The following DNER variants were observed in gnomAD, a reference collection of about 807,000 sequenced individuals.
The protein encoded by DNER is delta and Notch-like epidermal growth factor-related receptor.
Under a neutral mutation model 78.2 loss-of-function variants are expected in DNER, and 33 were observed. The observed-to-expected ratio is 0.42, with a 90% confidence interval of 0.32 to 0.56. The LOEUF is 0.56. DNER is among the 20% of genes least tolerant of loss of function. The probability of loss-of-function intolerance (pLI) is 0.11; values close to 1 mark genes in which losing one functional copy is unlikely to be tolerated. For synonymous variants in DNER, 417 were observed against 384.8 expected (o/e 1.08, Z -0.98); for missense variants, 918 against 975.3 (o/e 0.94, Z 0.78).
At chr2:229,445,069 T>A (rs1054466943) in intron 8 of DNER, among the ~76,000 whole-genome samples, 1 of 152,200 alleles carries the variant, frequency 6.6e-6, no homozygotes, top group Non-Finnish European at 1.5e-5. Context: ...TTTTCACATG[T>A]GTTACGACAT....
chr2:229,570,029 G>A (rs1697187342), intron 4 of DNER, among the ~76,000 whole-genome samples: 1 of 152,158 alleles, frequency 6.6e-6, no homozygotes, highest in Non-Finnish European at 1.5e-5. Context: ...ACTGAAACCA[G>A]ATCCACCCCT....
intron 4 of DNER, among the ~76,000 whole-genome samples, chr2:229,562,989 A>G (rs958656052): frequency 2.0e-5 from 3 of 151,424 alleles, no homozygotes; most frequent in African/African-American, 7.3e-5. Flanking sequence ...CCCCATCAAC[A>G]TCATCATCAA....
At chr2:229,418,084 CA>C in intron 9 of DNER, 23 bp downstream of exon 9, 1 of 1,614,080 alleles carries the variant, frequency 6.2e-7, no homozygotes, top group Non-Finnish European at 8.5e-7. Flanking sequence ...CATTCTGGCA[CA>C]GGAAGGCCAG....
chr2:229,555,902 A>G (rs1038725439), intron 4 of DNER, among the ~76,000 whole-genome samples: 1 of 152,232 alleles, frequency 6.6e-6, no homozygotes, highest in Admixed American at 6.5e-5. Flanking sequence ...CGCATAAAAT[A>G]ATAAAGATAA....
At chr2:229,687,647 T>C (rs2154217307) in intron 1 of DNER, among the ~76,000 whole-genome samples, 1 of 152,296 alleles carries the variant, frequency 6.6e-6, no homozygotes, top group East Asian at 1.9e-4. Flanking sequence ...TAATTCATGT[T>C]GTCTAATTGC....
At chr2:229,420,966 C>A (rs1482767741) in intron 8 of DNER, among the ~76,000 whole-genome samples, 1 of 152,186 alleles carries the variant, frequency 6.6e-6, no homozygotes, top group Non-Finnish European at 1.5e-5. Flanking sequence ...TAATAGCACT[C>A]TCATGTTCAT....
chr2:229,466,273 T>G (rs1199233774), intron 7 of DNER, among the ~76,000 whole-genome samples: 1 of 152,178 alleles, frequency 6.6e-6, no homozygotes, highest in Non-Finnish European at 1.5e-5. Context: ...TCCATCACAT[T>G]CTGCAGTACG....
At chr2:229,594,952 T>TAAAAAAAAA (rs200824543) in intron 1 of DNER, among the ~76,000 whole-genome samples, 2 of 102,688 alleles carry the variant, frequency 1.9e-5, no homozygotes, top group African/African-American at 6.7e-5. Flanking sequence ...AAATGCTGTT[T>TAAAAAAAAA]AAAAAAAAAA....
chr2:229,526,548 G>C (rs1001729940), intron 5 of DNER, among the ~76,000 whole-genome samples: 66 of 152,292 alleles, frequency 4.3e-4, no homozygotes, highest in African/African-American at 1.6e-3. Flanking sequence ...GGATGAAACT[G>C]TTCCACCTCA....
chr2:229,649,338 T>G (rs1189737125), intron 1 of DNER, among the ~76,000 whole-genome samples: 1 of 152,246 alleles, frequency 6.6e-6, no homozygotes, highest in Non-Finnish European at 1.5e-5. Flanking sequence ...TCATCAGTAC[T>G]GCATATTAAA....
rs563722236 is a variant in DNER at position 229,392,484 on chromosome 2, A to G, written c.1724-4088T>C. ...GCTGTAATTTGTAGGAAAGACCACA[A>G]CACAAGATAGAACCACTCAGAAATT... On this transcript the variant is annotated intron_variant, in intron 10 of 12. Coordinates refer to ENST00000341772, the MANE Select transcript of DNER (RefSeq NM_139072.4). Among the ~76,000 whole-genome samples, 624 of 143,534 alleles carry G rather than the reference A, an allele frequency of 4.3e-3. 4 individuals are homozygous for G. The highest frequency in any genetic ancestry group is 7.0e-3 in the Middle Eastern group (2 of 286). The allele number at this position is 143,534 out of a possible 152,430, so 94.2% of individuals were successfully genotyped here. A position where few individuals can be genotyped will look rare whatever the true frequency, so the allele number is the denominator to read the frequency against.
At chr2:229,610,280 A>G (rs1466356562) in intron 1 of DNER, among the ~76,000 whole-genome samples, 1 of 152,216 alleles carries the variant, frequency 6.6e-6, no homozygotes, top group Non-Finnish European at 1.5e-5. Flanking sequence ...GTGCTGCAGA[A>G]ATCTCAGGAA....
intron 5 of DNER, among the ~76,000 whole-genome samples, chr2:229,520,930 T>C (rs924913330): frequency 6.6e-6 from 1 of 152,208 alleles, no homozygotes. Context: ...AACAACCCTG[T>C]CAGCTTGAAG....
rs775988472 is a variant in DNER at position 229,477,132 on chromosome 2, C to A, written c.1261+8G>T. ...AAAGTTCTTTCTGGAGTAATAAATA[C>A]TAATTACCTTCTGGACACTGGCAGG... On this transcript the variant is annotated splice_region_variant and intron_variant, in intron 7 of 12. Transcript: ENST00000341772. The A allele has an allele frequency of 6.2e-7, 1 of 1,604,010 alleles. No homozygotes were observed. The highest frequency in any genetic ancestry group is 8.5e-7 in the Non-Finnish European group (1 of 1,172,286).
intron 1 of DNER, among the ~76,000 whole-genome samples, chr2:229,660,223 G>T (rs1055046096): frequency 2.0e-5 from 3 of 152,012 alleles, no homozygotes; most frequent in African/African-American, 7.2e-5. Context: ...TCATCATGCA[G>T]GTATTAAGAC....
chr2:229,521,661 T>C (rs1051635477), intron 5 of DNER, among the ~76,000 whole-genome samples: 11 of 152,198 alleles, frequency 7.2e-5, no homozygotes, highest in African/African-American at 2.4e-4. Context: ...AGATTTAGTA[T>C]TTCAAGAAGC....
intron 8 of DNER, among the ~76,000 whole-genome samples, chr2:229,438,353 T>G (rs1253348819): frequency 3.3e-5 from 5 of 152,228 alleles, no homozygotes; most frequent in Non-Finnish European, 7.3e-5. Flanking sequence ...AATCTTGTTC[T>G]TGTGATTGGT....
At chr2:229,363,189 T>G (rs1480377649) in intron 12 of DNER, among the ~76,000 whole-genome samples, 1 of 152,164 alleles carries the variant, frequency 6.6e-6, no homozygotes, top group Non-Finnish European at 1.5e-5. Flanking sequence ...GGGAGGGGTC[T>G]CCTTCTCAAC....
At chr2:229,689,846 T>A (rs1699538949) in intron 1 of DNER, among the ~76,000 whole-genome samples, 1 of 152,214 alleles carries the variant, frequency 6.6e-6, no homozygotes, top group African/African-American at 2.4e-5. Context: ...AGGGTTTTGC[T>A]GTGAGCTATT....
Sources: gnomAD v4.1 joint callset for allele counts (sites outside exome capture counted in the v4.1 genomes callset) on GRCh38, gnomAD v4.1.1 for gene constraint, MANE v1.5 for transcripts, NCBI Gene and HGNC (gene_info 2026-07-23, HGNC 2026-07-21) for gene names.